The following OSBPL2 variants were observed in gnomAD, a reference collection of about 807,000 sequenced individuals.
The protein encoded by OSBPL2 is oxysterol binding protein like 2.
In OSBPL2, 18 loss-of-function variants were observed where a neutral mutation model predicts 58.4. The observed-to-expected ratio is 0.31, with a 90% CI of 0.21 to 0.46. OSBPL2 has a LOEUF of 0.46. Among genes scored for constraint, OSBPL2 ranks in the 20% least tolerant of loss-of-function variants. The pLI, the probability that OSBPL2 is intolerant of heterozygous loss-of-function variation, is 1.00. For missense variants in OSBPL2, 461 were observed against 616.5 expected, an observed-to-expected ratio of 0.75 and a Z score of 2.67; for synonymous variants, 221 against 234.1, an observed-to-expected ratio of 0.94 and a Z score of 0.51.
intron 6 of OSBPL2, 105 bp from the exon 7 acceptor site, chr20:62,279,052 C>A (rs1379635152): frequency 5.4e-6 from 5 of 930,812 alleles, no homozygotes; most frequent in Non-Finnish European, 8.1e-6. Context: ...CATGGAGGGC[C>A]CCTGCTTCCC....
chr20:62,294,008 A>G lies in OSBPL2; in HGVS notation c.*121A>G. 1 of 1,293,944 alleles carries G rather than the reference A, an allele frequency of 7.7e-7. No homozygotes were observed. Among genetic ancestry groups the G allele is most frequent in the Non-Finnish European group, 1.0e-6 (1 of 957,964 alleles). 80.2% of individuals were successfully genotyped at this position (1,293,944 alleles called of 1,614,324 possible). On this transcript the variant is annotated 3_prime_UTR_variant, in exon 14 of 14. Coordinates refer to ENST00000313733, the MANE Select transcript of OSBPL2 (RefSeq NM_144498.4). Reference sequence around the variant, plus strand: ...TTCTAACGACTGAGTTCGCGGAGATAGCATCATCCCTGATCAAGGATGTAA... The same window carrying G: ...TTCTAACGACTGAGTTCGCGGAGATGGCATCATCCCTGATCAAGGATGTAA...
At chr20:62,285,047 A>T (rs1983024786) in intron 10 of OSBPL2, 1 of 152,254 alleles carries the variant, frequency 6.6e-6, no homozygotes, top group South Asian at 2.1e-4. Context: ...GATAGTTCAA[A>T]AGAGGTGTCC....
intron 1 of OSBPL2, among the ~76,000 whole-genome samples, chr20:62,249,079 T>C (rs1980349478): frequency 6.6e-6 from 1 of 152,206 alleles, no homozygotes; most frequent in Non-Finnish European, 1.5e-5. Context: ...TTTGAGATCC[T>C]GGTGGGACGG....
chr20:62,290,953 G>T (rs190422680), intron 12 of OSBPL2, among the ~76,000 whole-genome samples: 63 of 152,006 alleles, frequency 4.1e-4, no homozygotes, highest in African/African-American at 1.5e-3. Context: ...GGCCAGCCTG[G>T]TCTCAAACTG....
chr20:62,252,797 A>G (rs1343288834), intron 1 of OSBPL2, among the ~76,000 whole-genome samples: 2 of 152,260 alleles, frequency 1.3e-5, no homozygotes, highest in East Asian at 3.8e-4. Flanking sequence ...TGGAAGGCGA[A>G]GCGGGTGCAG....
At chr20:62,241,342 G>A (rs1979720519) in intron 1 of OSBPL2, among the ~76,000 whole-genome samples, 1 of 152,230 alleles carries the variant, frequency 6.6e-6, no homozygotes, top group Admixed American at 6.5e-5. Flanking sequence ...ACAGGCGCCC[G>A]CCACCACACC....
At chr20:62,239,457 A>G (rs1376070710) in intron 1 of OSBPL2, among the ~76,000 whole-genome samples, 1 of 152,166 alleles carries the variant, frequency 6.6e-6, no homozygotes, top group East Asian at 1.9e-4. Flanking sequence ...GGGGTGTTGC[A>G]GGCTCTCCTG....
At chr20:62,290,813 A>G (rs532899834) in intron 12 of OSBPL2, among the ~76,000 whole-genome samples, 18 of 141,320 alleles carry the variant, frequency 1.3e-4, no homozygotes, top group African/African-American at 4.8e-4. Flanking sequence ...ATCTCGGCTC[A>G]CTGCAACCTC....
At position 62,290,699 on chromosome 20, in the gene OSBPL2, C is replaced by A. The variant is rs573271673; in HGVS notation, c.1250-1004C>A. 5.4e-3 allele frequency among the ~76,000 whole-genome samples: 812 copies of A among 150,516 alleles called. 27 individuals carry two copies. The highest frequency in any genetic ancestry group is 0.049 in the Admixed American group (738 of 15,144). ...CCTCCCAGAGTGCTGGGATTACAGG[C>A]ATGAACCACTGTGCCTGGCCAGGTT... is the stretch of plus-strand genomic sequence containing the variant. On this transcript the variant is annotated intron_variant, in intron 12 of 13. Coordinates refer to ENST00000313733, the MANE Select transcript of OSBPL2 (RefSeq NM_144498.4).
At chr20:62,286,522 GTCC>G (rs1983132249) in intron 10 of OSBPL2, 58 bp from the exon 11 acceptor site, 8 of 1,564,118 alleles carry the variant, frequency 5.1e-6, no homozygotes, top group Non-Finnish European at 7.0e-6. Context: ...GAGAATAGCT[GTCC>G]TCCTGGCCAA....
chr20:62,272,179 C>G lies in OSBPL2; in HGVS notation c.313C>G (p.Gln105Glu). ...IAFNEPLSFL[Q>E]RITEYMEHVY... Reference sequence around the variant, plus strand: ...CTTCAACGAGCCTCTGAGCTTCTTGCAGCGGATCACGGAGTACATGGAGCA... The same window carrying G: ...CTTCAACGAGCCTCTGAGCTTCTTGGAGCGGATCACGGAGTACATGGAGCA... Residue 105 changes from glutamine (Q) to glutamate (E), a missense_variant, in exon 5 of 14, where the codon CAG (glutamine) becomes GAG (glutamate). Around this residue, in one of 5 missense-constraint regions of OSBPL2, gnomAD observed 38 missense variants for 74.2 expected, o/e 0.51. Coordinates refer to ENST00000313733, the MANE Select transcript of OSBPL2 (RefSeq NM_144498.4). 1.2e-6 allele frequency: 2 copies of G among 1,613,898 alleles called. No homozygotes were observed. Among genetic ancestry groups the G allele is most frequent in the Non-Finnish European group, 1.7e-6 (2 of 1,179,960 alleles).
At chr20:62,267,713 G>A (rs562801415) in intron 4 of OSBPL2, among the ~76,000 whole-genome samples, 2 of 152,104 alleles carry the variant, frequency 1.3e-5, no homozygotes, top group African/African-American at 2.4e-5. Context: ...CAGCCCTGGC[G>A]AGGACAGATT....
At position 62,279,508 on chromosome 20, in the gene OSBPL2, C is replaced by T. The variant is rs144685119; in HGVS notation, c.674+169C>T. ...CAGATGAGCTTCCTGACCAGGGTCC[C>T]GTGTTGCTGGGGTGCGTCCTCACGT... On this transcript the variant is annotated intron_variant, in intron 7 of 13. Transcript: ENST00000313733. The T allele has an allele frequency of 8.0e-3, 5,261 of 660,062 alleles. 33 individuals are homozygous for T. The highest frequency in any genetic ancestry group is 0.011 in the Non-Finnish European group (4,282 of 393,184). The allele number at this position is 660,062 out of a possible 1,614,324, so 40.9% of individuals were successfully genotyped here. A position where few individuals can be genotyped will look rare whatever the true frequency, so the allele number is the denominator to read the frequency against.
chr20:62,256,037 C>T lies in OSBPL2; in HGVS notation c.-128-20C>T. Reference sequence around the variant, plus strand: ...TGAAACTTCTGGAAGCTAAGTATGCCAAAATTTTTTTCCCTTTAGATCTTC... The same window carrying T: ...TGAAACTTCTGGAAGCTAAGTATGCTAAAATTTTTTTCCCTTTAGATCTTC... On this transcript the variant is annotated intron_variant, in intron 1 of 13. Coordinates refer to ENST00000313733, the MANE Select transcript of OSBPL2 (RefSeq NM_144498.4). 2.4e-6 allele frequency: 2 copies of T among 837,766 alleles called. No individual in the cohort carries two copies. Among genetic ancestry groups the T allele is most frequent in the Non-Finnish European group, 3.6e-6 (2 of 557,548 alleles). 51.9% of individuals were successfully genotyped at this position (837,766 alleles called of 1,614,324 possible). A position where few individuals can be genotyped will look rare whatever the true frequency, so the allele number is the denominator to read the frequency against.
intron 6 of OSBPL2, among the ~76,000 whole-genome samples, chr20:62,277,112 G>C (rs190468237): frequency 6.6e-6 from 1 of 152,122 alleles, no homozygotes; most frequent in Non-Finnish European, 1.5e-5. Flanking sequence ...TTAGCCGGGC[G>C]TGGTGGCGGG....
intron 2 of OSBPL2, among the ~76,000 whole-genome samples, chr20:62,257,751 G>T (rs372649268): frequency 1.5e-5 from 2 of 135,852 alleles, no homozygotes; most frequent in African/African-American, 5.6e-5. Context: ...GTCTTGCTTT[G>T]TCGCCCAGGC....
At chr20:62,253,706 G>C (rs1980724668) in intron 1 of OSBPL2, among the ~76,000 whole-genome samples, 1 of 147,220 alleles carries the variant, frequency 6.8e-6, no homozygotes, top group African/African-American at 2.5e-5. Flanking sequence ...AGAGAGAGGA[G>C]AGAGGGAAAG....
intron 4 of OSBPL2, among the ~76,000 whole-genome samples, chr20:62,266,031 A>G (rs1258110909): frequency 6.6e-6 from 1 of 152,212 alleles, no homozygotes; most frequent in East Asian, 1.9e-4. Flanking sequence ...CTGAGACAGG[A>G]GGATGGCTTG....
intron 2 of OSBPL2, 32 bp from the exon 3 acceptor site, chr20:62,259,949 A>T: frequency 6.2e-7 from 1 of 1,602,418 alleles, no homozygotes; most frequent in Non-Finnish European, 8.5e-7. Flanking sequence ...TTTCAGGTCC[A>T]GCGAAAATGA....
Sources: gnomAD v4.1 joint callset for allele counts (sites outside exome capture counted in the v4.1 genomes callset) on GRCh38, gnomAD v4.1.1 for gene constraint, gnomAD v4.1.1 regional missense constraint, MANE v1.5 for transcripts, NCBI Gene and HGNC (gene_info 2026-07-23, HGNC 2026-07-21) for gene names.